The following CCDC85A variants were observed in gnomAD, a reference collection of about 807,000 sequenced individuals.
CCDC85A encodes coiled-coil domain-containing protein 85A.
Under a neutral mutation model 50.2 loss-of-function variants are expected in CCDC85A, and 38 were observed. The observed-to-expected ratio is 0.76, with a 90% CI of 0.58 to 0.99. CCDC85A has a LOEUF of 0.99. CCDC85A is among the 50% of genes least tolerant of loss of function. The probability of loss-of-function intolerance (pLI) is 0.00; values close to 1 mark genes in which losing one functional copy is unlikely to be tolerated. For missense variants in CCDC85A, 820 were observed against 742.0 expected, an observed-to-expected ratio of 1.11 and a Z score of -1.22; for synonymous variants, 366 against 301.4, an observed-to-expected ratio of 1.21 and a Z score of -2.22.
intron 2 of CCDC85A, among the ~76,000 whole-genome samples, chr2:56,209,421 T>C (rs1228168760): frequency 3.1e-4 from 2 of 6,432 alleles, no homozygotes; most frequent in Non-Finnish European, 5.4e-4. Flanking sequence ...AGTCTGTTCC[T>C]TTTTTTTTTT....
At chr2:56,210,232 C>T (rs564935999) in intron 2 of CCDC85A, among the ~76,000 whole-genome samples, 5 of 152,108 alleles carry the variant, frequency 3.3e-5, no homozygotes, top group Admixed American at 6.5e-5. Flanking sequence ...GGCCAAATAC[C>T]GTCACAGTCA....
chr2:56,237,523 G>A (rs1669072273), intron 2 of CCDC85A, among the ~76,000 whole-genome samples: 2 of 152,182 alleles, frequency 1.3e-5, no homozygotes, highest in African/African-American at 4.8e-5. Context: ...CCTTTGTTAA[G>A]CAGCTTACGT....
At chr2:56,312,963 A>C (rs977708365) in intron 2 of CCDC85A, among the ~76,000 whole-genome samples, 2 of 152,198 alleles carry the variant, frequency 1.3e-5, no homozygotes, top group African/African-American at 4.8e-5. Context: ...AGAGCACTTT[A>C]TGCTTTTAAA....
At chr2:56,351,630 T>G (rs1674946612) in intron 3 of CCDC85A, among the ~76,000 whole-genome samples, 1 of 145,006 alleles carries the variant, frequency 6.9e-6, no homozygotes, top group Non-Finnish European at 1.5e-5. Context: ...TCATGTGTTT[T>G]TTGGCTGCAT....
At chr2:56,343,003 T>C (rs1280043544) in intron 3 of CCDC85A, 48 bp downstream of exon 3, 3 of 1,270,226 alleles carry the variant, frequency 2.4e-6, no homozygotes, top group Non-Finnish European at 3.3e-6. Flanking sequence ...ATTTAAGTTG[T>C]AGTATTTTAT....
At chr2:56,223,977 C>T (rs1402885322) in intron 2 of CCDC85A, among the ~76,000 whole-genome samples, 3 of 152,186 alleles carry the variant, frequency 2.0e-5, no homozygotes, top group Non-Finnish European at 4.4e-5. Flanking sequence ...GTTCACATAT[C>T]ATAAAATCTA....
chr2:56,354,320 G>C (rs558852288), intron 3 of CCDC85A, among the ~76,000 whole-genome samples: 1 of 152,248 alleles, frequency 6.6e-6, no homozygotes, highest in South Asian at 2.1e-4. Flanking sequence ...AAGACATGAG[G>C]TATCACACAT....
intron 2 of CCDC85A, among the ~76,000 whole-genome samples, chr2:56,292,906 A>T (rs1170143094): frequency 6.6e-6 from 1 of 152,200 alleles, no homozygotes; most frequent in African/African-American, 2.4e-5. Context: ...TAGATTTTAA[A>T]ATAGAGCAGA....
chr2:56,255,828 T>C (rs1669959960), intron 2 of CCDC85A, among the ~76,000 whole-genome samples: 1 of 151,838 alleles, frequency 6.6e-6, no homozygotes, highest in African/African-American at 2.4e-5. Flanking sequence ...AGGTACAGAA[T>C]GAAAGAGAGA....
chr2:56,268,272 T>C (rs1272479508), intron 2 of CCDC85A, among the ~76,000 whole-genome samples: 2 of 152,126 alleles, frequency 1.3e-5, no homozygotes, highest in African/African-American at 4.8e-5. Context: ...TTCATGGGGC[T>C]TGAAACAAAG....
At chr2:56,303,489 A>G (rs1392998709) in intron 2 of CCDC85A, among the ~76,000 whole-genome samples, 2 of 152,118 alleles carry the variant, frequency 1.3e-5, no homozygotes, top group South Asian at 2.1e-4. Context: ...TGTCACAGGT[A>G]GAAAAGAACT....
intron 2 of CCDC85A, among the ~76,000 whole-genome samples, chr2:56,328,772 C>G (rs941890103): frequency 6.6e-6 from 1 of 152,108 alleles, no homozygotes; most frequent in African/African-American, 2.4e-5. Context: ...GGCTGTACCT[C>G]CTGGAGACGT....
chr2:56,191,909 G>C (rs1439019769), intron 1 of CCDC85A, among the ~76,000 whole-genome samples: 1 of 152,182 alleles, frequency 6.6e-6, no homozygotes, highest in Non-Finnish European at 1.5e-5. Context: ...TGAAAGGTCT[G>C]TTGTCTCAGG....
rs1170435681 is a variant in CCDC85A, at chr2:56,192,331, A to C, written c.277-146A>C. The C allele has an allele frequency of 2.7e-6, 3 of 1,128,236 alleles. No individual in the cohort carries two copies. In the East Asian group the frequency reaches 7.1e-5, roughly 27 times the overall value. The allele number at this position is 1,128,236 out of a possible 1,614,324, so 69.9% of individuals were successfully genotyped here. A position where few individuals can be genotyped will look rare whatever the true frequency, so the allele number is the denominator to read the frequency against. The stretch of plus-strand genomic sequence containing the variant: ...AGTTTAATTTTTATGGACAGCTACA[A>C]ATCTTCAGCTTCCTCCTACTCCCTC... On this transcript the variant is annotated intron_variant, in intron 1 of 5. Coordinates refer to ENST00000407595, the MANE Select transcript of CCDC85A (RefSeq NM_001080433.2). This position sits in a 1 kb window ranked among gnomAD's most constrained non-coding sequence, Gnocchi z 4.7.
At chr2:56,229,715 C>T (rs17268702) in intron 2 of CCDC85A, among the ~76,000 whole-genome samples, 31,415 of 151,908 alleles carry the variant, frequency 0.21, 3,714 homozygotes, top group Admixed American at 0.3. Flanking sequence ...TCAAAACAGC[C>T]GGATCTATAT....
chr2:56,346,477 A>G (rs191610932), intron 3 of CCDC85A, among the ~76,000 whole-genome samples: 218 of 152,312 alleles, frequency 1.4e-3, no homozygotes, highest in African/African-American at 5.1e-3. Context: ...GCCCACAGGA[A>G]GTGCTGATGG....
At chr2:56,354,589 A>C (rs191077719) in intron 3 of CCDC85A, among the ~76,000 whole-genome samples, 56 of 152,310 alleles carry the variant, frequency 3.7e-4, no homozygotes, top group Admixed American at 3.3e-3. Flanking sequence ...TGAGATGGTA[A>C]TGAGTGTAGC....
intron 2 of CCDC85A, among the ~76,000 whole-genome samples, chr2:56,204,021 C>A (rs1573018987): frequency 1.3e-5 from 2 of 152,178 alleles, no homozygotes; most frequent in South Asian, 4.2e-4. Context: ...CCTCTGTGGG[C>A]AAAATAATTT....
chr2:56,323,984 C>A (rs540649763), intron 2 of CCDC85A, among the ~76,000 whole-genome samples: 1 of 152,022 alleles, frequency 6.6e-6, no homozygotes, highest in African/African-American at 2.4e-5. Context: ...AAGATATATA[C>A]GTTTATAAAT....
Sources: allele counts gnomAD v4.1 joint callset (sites outside exome capture counted in the v4.1 genomes callset), GRCh38; gene constraint gnomAD v4.1.1; non-coding constraint Gnocchi (gnomAD v3.1); transcripts MANE v1.5; gene names NCBI Gene and HGNC (gene_info 2026-07-23, HGNC 2026-07-21).